PKIB: variants seen among roughly 807,000 people sequenced by gnomAD.
PKIB encodes cAMP-dependent protein kinase inhibitor beta.
Under a neutral mutation model 4.5 loss-of-function variants are expected in PKIB, and 2 were observed. The ratio of observed to expected loss-of-function variants is 0.44; its 90% CI spans 0.18 to 1.39. The LOEUF (loss-of-function observed/expected upper bound fraction) is 1.39, where lower values mean the gene tolerates loss of function less well. Among genes scored for constraint, PKIB ranks in the 40% most tolerant of loss-of-function variants. PKIB has a pLI of 0.27. For synonymous variants in PKIB, 38 were observed against 36.0 expected (o/e 1.06, Z -0.20); for missense variants, 94 against 92.6 (o/e 1.02, Z -0.06).
At chr6:122,700,137 G>A (rs1293604131) in intron 3 of PKIB, among the ~76,000 whole-genome samples, 1 of 150,892 alleles carries the variant, frequency 6.6e-6, no homozygotes, top group East Asian at 2.0e-4. Context: ...ATTTCCAATT[G>A]GGTCAAATTG....
At position 122,498,460 on chromosome 6, in the gene PKIB, A is replaced by C. The variant is rs552574190; in HGVS notation, c.-248+20521A>C. Among the ~76,000 whole-genome samples the C allele has an allele frequency of 2.4e-4, 37 of 152,314 alleles. No individual in the cohort carries two copies. In the South Asian group the frequency reaches 7.5e-3, roughly 31 times the overall value. On this transcript the variant is annotated intron_variant, in intron 2 of 6. Transcript: ENST00000392491. ...TGAGATCTGGGTGTGGACACAGCCA[A>C]ACCATATCAAATGACTTTTGGGTAA... is the stretch of plus-strand genomic sequence containing the variant.
chr6:122,515,387 AT>A (rs1485638127), intron 2 of PKIB, among the ~76,000 whole-genome samples: 1 of 152,202 alleles, frequency 6.6e-6, no homozygotes, highest in Non-Finnish European at 1.5e-5. Context: ...ATACTTTATA[AT>A]TTATAAAACA....
At chr6:122,626,957 G>A (rs1367662826) in intron 1 of PKIB, among the ~76,000 whole-genome samples, 2 of 151,692 alleles carry the variant, frequency 1.3e-5, no homozygotes, top group Non-Finnish European at 2.9e-5. Flanking sequence ...CATCTCGGCC[G>A]GGCGCGGTGG....
At chr6:122,491,976 C>A (rs1775945437) in intron 2 of PKIB, among the ~76,000 whole-genome samples, 1 of 152,162 alleles carries the variant, frequency 6.6e-6, no homozygotes, top group Non-Finnish European at 1.5e-5. Context: ...TGTAATTCCA[C>A]TACATTACTA....
At chr6:122,523,854 T>G (rs1475397998) in intron 2 of PKIB, among the ~76,000 whole-genome samples, 4 of 151,826 alleles carry the variant, frequency 2.6e-5, no homozygotes. Flanking sequence ...TGCCTTTGCT[T>G]CTCCTTCGCC....
chr6:122,565,852 G>A (rs770784894), intron 2 of PKIB, among the ~76,000 whole-genome samples: 1 of 152,206 alleles, frequency 6.6e-6, no homozygotes, highest in Non-Finnish European at 1.5e-5. Flanking sequence ...GCCAAGGGTA[G>A]CCTGAGGCAT....
chr6:122,722,711 G>A (rs1290224090), intron 4 of PKIB, among the ~76,000 whole-genome samples: 1 of 152,140 alleles, frequency 6.6e-6, no homozygotes, highest in African/African-American at 2.4e-5. Flanking sequence ...TAATTAGAAG[G>A]CAACCAATTA....
chr6:122,583,374 A>G (rs1773759548), intron 2 of PKIB, among the ~76,000 whole-genome samples: 1 of 152,126 alleles, frequency 6.6e-6, no homozygotes, highest in Non-Finnish European at 1.5e-5. Context: ...TGTTCCCAGA[A>G]TTGAGAATTT....
chr6:122,508,469 G>A (rs1431344802), intron 2 of PKIB, among the ~76,000 whole-genome samples: 1 of 152,162 alleles, frequency 6.6e-6, no homozygotes, highest in Non-Finnish European at 1.5e-5. Context: ...TTGTGTTAAG[G>A]TGTAAGGTGT....
intron 3 of PKIB, among the ~76,000 whole-genome samples, chr6:122,681,617 A>G (rs1321176717): frequency 6.6e-6 from 1 of 152,228 alleles, no homozygotes; most frequent in East Asian, 1.9e-4. Flanking sequence ...TTAACCAATT[A>G]AGAAAAAACA....
intron 3 of PKIB, among the ~76,000 whole-genome samples, chr6:122,716,022 G>C (rs1273337843): frequency 6.6e-6 from 1 of 152,080 alleles, no homozygotes; most frequent in Non-Finnish European, 1.5e-5. Context: ...ATATAAAAAT[G>C]TTCATGTAGT....
chr6:122,523,765 A>G (rs1166965112), intron 2 of PKIB, among the ~76,000 whole-genome samples: 1 of 151,880 alleles, frequency 6.6e-6, no homozygotes, highest in African/African-American at 2.4e-5. Flanking sequence ...CATGGGCAAC[A>G]CAGTGAAACT....
chr6:122,579,367 T>C (rs752099792), intron 2 of PKIB, among the ~76,000 whole-genome samples: 4 of 152,174 alleles, frequency 2.6e-5, no homozygotes, highest in African/African-American at 4.8e-5. Flanking sequence ...TAACCTATCT[T>C]CATCCCTCTG....
At chr6:122,660,412 A>G (rs1375121240) in intron 2 of PKIB, among the ~76,000 whole-genome samples, 2 of 152,192 alleles carry the variant, frequency 1.3e-5, no homozygotes, top group Non-Finnish European at 2.9e-5. Context: ...AGTTAAACGT[A>G]TTCTCCTCTA....
intron 2 of PKIB, among the ~76,000 whole-genome samples, chr6:122,669,799 C>T (rs1777379596): frequency 6.6e-6 from 1 of 152,092 alleles, no homozygotes; most frequent in South Asian, 2.1e-4. Context: ...CATCATTCTC[C>T]CTCATTCGGT....
At chr6:122,669,882 G>A (rs934385356) in intron 2 of PKIB, among the ~76,000 whole-genome samples, 2 of 152,096 alleles carry the variant, frequency 1.3e-5, no homozygotes, top group Admixed American at 6.5e-5. Flanking sequence ...ATTAGTTTCC[G>A]ACATCAGTTT....
chr6:122,653,567 TGAC>T (rs1776651974), intron 2 of PKIB, among the ~76,000 whole-genome samples: 1 of 151,634 alleles, frequency 6.6e-6, no homozygotes, highest in Non-Finnish European at 1.5e-5. Context: ...GGGGGGAATT[TGAC>T]TCCGAAACAT....
At chr6:122,616,719 T>C (rs1775007211) in intron 1 of PKIB, among the ~76,000 whole-genome samples, 1 of 152,022 alleles carries the variant, frequency 6.6e-6, no homozygotes, top group African/African-American at 2.4e-5. Context: ...AGTTTTTTTT[T>C]TTCTTTCTAT....
In PKIB at chr6:122,519,134, C is replaced by T. The variant is rs138339581; in HGVS notation, c.-248+41195C>T. ...AGGTGAATGGCTGTGGGTGAGCAAG[C>T]GTTACTGCCTGAGCTCTGCCTCCTG... is the stretch of plus-strand genomic sequence containing the variant. On this transcript the variant is annotated intron_variant, in intron 2 of 6. Coordinates refer to the PKIB transcript ENST00000392491. 4.5e-4 allele frequency among the ~76,000 whole-genome samples: 68 copies of T among 152,190 alleles called. 1 individual carries two copies. The highest frequency in any genetic ancestry group is 1.3e-3 in the African/African-American group (54 of 41,516).
Sources: allele counts gnomAD v4.1 joint callset (sites outside exome capture counted in the v4.1 genomes callset), GRCh38; gene constraint gnomAD v4.1.1; transcripts MANE v1.5; gene names NCBI Gene and HGNC (gene_info 2026-07-23, HGNC 2026-07-21).